ZDHHC18: variants seen among roughly 807,000 people sequenced by gnomAD.
The protein encoded by ZDHHC18 is palmitoyltransferase ZDHHC18.
In ZDHHC18, 23 loss-of-function variants were observed where a neutral mutation model predicts 37.5. That is an observed-to-expected ratio of 0.61 (90% CI 0.44 to 0.87). ZDHHC18 has a LOEUF of 0.87. Ranked by LOEUF, ZDHHC18 falls within the 40% of genes least tolerant of loss-of-function variation. The pLI, the probability that ZDHHC18 is intolerant of heterozygous loss-of-function variation, is 0.00. For synonymous variants in ZDHHC18, 185 were observed against 218.7 expected (o/e 0.85, Z 1.36); for missense variants, 406 against 525.6 (o/e 0.77, Z 2.22).
intron 1 of ZDHHC18, among the ~76,000 whole-genome samples, chr1:26,827,848 C>T (rs1400655850): frequency 6.6e-6 from 1 of 152,138 alleles, no homozygotes; most frequent in Non-Finnish European, 1.5e-5. Flanking sequence ...TCCTGTCCTT[C>T]CCTCAGATCC....
intron 1 of ZDHHC18, among the ~76,000 whole-genome samples, chr1:26,831,332 C>T (rs562654910): frequency 5.3e-4 from 80 of 152,206 alleles, no homozygotes; most frequent in South Asian, 1.0e-3. Flanking sequence ...AGGAGCAAGA[C>T]GAGAGTTTTG....
At position 26,854,936 on chromosome 1, in the gene ZDHHC18, G is replaced by A. The variant is rs760093; in HGVS notation, c.*1093G>A. 27,372 of 152,300 alleles carry A rather than the reference G, an allele frequency of 0.18. 3,090 individuals are homozygous for A. Among genetic ancestry groups the A allele is most frequent in the Middle Eastern group, 0.29 (84 of 294 alleles). The allele number at this position is 152,300 out of a possible 1,614,324, so 9.4% of individuals were successfully genotyped here. A position where few individuals can be genotyped will look rare whatever the true frequency, so the allele number is the denominator to read the frequency against. ...GCCCCCTGCCCCATCCCCTTTGAGT[G>A]TCAGAAGCACTCTGAGCCAAGGGGA... On this transcript the variant is annotated 3_prime_UTR_variant, in exon 8 of 8. Coordinates refer to ENST00000374142, the MANE Select transcript of ZDHHC18 (RefSeq NM_032283.3). The surrounding 1 kb of genome is among the most constrained non-coding windows in gnomAD (Gnocchi z 4.6).
chr1:26,830,755 GT>G (rs1322008491), intron 1 of ZDHHC18, among the ~76,000 whole-genome samples: 1 of 118,792 alleles, frequency 8.4e-6, no homozygotes, highest in Non-Finnish European at 1.9e-5. Context: ...AGGAGCTTAT[GT>G]TTTTTTATGT....
chr1:26,832,533 A>C lies in ZDHHC18; in HGVS notation c.422A>C (p.Gln141Pro). Residue 141 changes from glutamine (Q) to proline (P), a missense_variant, in exon 2 of 8, where the codon CAG (glutamine) becomes CCG (proline). Coordinates refer to ENST00000374142, the MANE Select transcript of ZDHHC18 (RefSeq NM_032283.3). ...LFFFVMSCLL[Q>P]TSFTDPGILP... Reference sequence around the variant, plus strand: ...TTCTTCGTCATGAGCTGCCTGCTGCAGACAAGCTTCACCGACCCTGGGATC... The same window carrying C: ...TTCTTCGTCATGAGCTGCCTGCTGCCGACAAGCTTCACCGACCCTGGGATC... The C allele has an allele frequency of 6.2e-7, 1 of 1,614,168 alleles. No individual in the cohort carries two copies. The highest frequency in any genetic ancestry group is 8.5e-7 in the Non-Finnish European group (1 of 1,180,024).
rs116907842 is a variant in ZDHHC18, at chr1:26,831,998, G to A, written c.336-449G>A. On this transcript the variant is annotated intron_variant, in intron 1 of 7. Transcript: ENST00000374142. Reference sequence around the variant, plus strand: ...AGGGGGAGGGACTCTTGTCTTATCCGTCGTCATTATTCCTGCTGCTTATTG... The same window carrying A: ...AGGGGGAGGGACTCTTGTCTTATCCATCGTCATTATTCCTGCTGCTTATTG... The A allele has an allele frequency of 5.2e-4, 81 of 155,250 alleles. 2 individuals carry two copies. The East Asian group carries it at 0.013, about 24-fold the overall frequency. The allele number at this position is 155,250 out of a possible 1,614,324, so 9.6% of individuals were successfully genotyped here. A position where few individuals can be genotyped will look rare whatever the true frequency, so the allele number is the denominator to read the frequency against.
At chr1:26,844,092 T>G (rs71636785) in intron 2 of ZDHHC18, among the ~76,000 whole-genome samples, 17 of 152,020 alleles carry the variant, frequency 1.1e-4, no homozygotes, top group Non-Finnish European at 1.6e-4. Context: ...CAGACTGGAG[T>G]GCAATGGCGT....
chr1:26,846,188 A>G (rs1364000138), intron 2 of ZDHHC18, among the ~76,000 whole-genome samples: 4 of 128,666 alleles, frequency 3.1e-5, no homozygotes, highest in East Asian at 2.1e-4. Flanking sequence ...ACATATATCT[A>G]TATACATACA....
chr1:26,842,216 A>G (rs548237525), intron 2 of ZDHHC18, among the ~76,000 whole-genome samples: 3 of 152,038 alleles, frequency 2.0e-5, no homozygotes, highest in South Asian at 2.1e-4. Flanking sequence ...GCTTCAAGCA[A>G]TCTTCCTGCC....
At position 26,857,446 on chromosome 1, in the gene ZDHHC18, C is replaced by A. The variant is rs929994404; in HGVS notation, c.*3603C>A. ...TCCTTTGCTCTAGGCACTGAGGGAC[C>A]AAGCTAGCCGTGCACAGCCCCATAC... On this transcript the variant is annotated 3_prime_UTR_variant, in exon 8 of 8. Coordinates refer to ENST00000374142, the MANE Select transcript of ZDHHC18 (RefSeq NM_032283.3). 1 of 152,210 alleles carries A rather than the reference C, an allele frequency of 6.6e-6. No homozygotes were observed. The highest frequency in any genetic ancestry group is 2.4e-5 in the African/African-American group (1 of 41,428). 9.4% of individuals were successfully genotyped at this position (152,210 alleles called of 1,614,324 possible). A position where few individuals can be genotyped will look rare whatever the true frequency, so the allele number is the denominator to read the frequency against.
At position 26,840,416 on chromosome 1, in the gene ZDHHC18, C is replaced by G. The variant is rs552517615; in HGVS notation, c.496+7809C>G. 9.2e-5 allele frequency among the ~76,000 whole-genome samples: 14 copies of G among 152,294 alleles called. No homozygotes were observed. In the East Asian group the frequency reaches 2.7e-3, roughly 29 times the overall value. ...ATTCTCACCTAATCCTTCCAGCAGC[C>G]CCCTGAGATGGACTCAATGATGTTC... On this transcript the variant is annotated intron_variant, in intron 2 of 7. Transcript: ENST00000374142.
intron 1 of ZDHHC18, among the ~76,000 whole-genome samples, chr1:26,828,702 CT>C (rs913858762): frequency 6.6e-6 from 1 of 151,418 alleles, no homozygotes; most frequent in Non-Finnish European, 1.5e-5. Context: ...ACACTCTGCC[CT>C]TTTTTTTGAG....
chr1:26,856,313 C>A lies in ZDHHC18; in HGVS notation c.*2470C>A. 1 of 415,294 alleles carries A rather than the reference C, an allele frequency of 2.4e-6. No homozygotes were observed. Among genetic ancestry groups the A allele is most frequent in the Middle Eastern group, 3.7e-4 (1 of 2,684 alleles). 25.7% of individuals were successfully genotyped at this position (415,294 alleles called of 1,614,324 possible). On this transcript the variant is annotated 3_prime_UTR_variant, in exon 8 of 8. Transcript: ENST00000374142. This position sits in a 1 kb window ranked among gnomAD's most constrained non-coding sequence, Gnocchi z 5.2. Reference sequence around the variant, plus strand: ...CAGCACTGCCCGCTCCCCTCACACACCATCTCATCCTCATCGCATGCCTCG... The same window carrying A: ...CAGCACTGCCCGCTCCCCTCACACAACATCTCATCCTCATCGCATGCCTCG...
At position 26,828,752 on chromosome 1, in the gene ZDHHC18, A is replaced by AAGCTCTGGGGGGCCCAGAGCTC. The variant is rs531388541; in HGVS notation, c.335+1623_335+1644dup. Among the ~76,000 whole-genome samples the AAGCTCTGGGGGGCCCAGAGCTC allele has an allele frequency of 4.6e-3, 704 of 151,814 alleles. 9 individuals carry two copies. Among genetic ancestry groups the AAGCTCTGGGGGGCCCAGAGCTC allele is most frequent in the Non-Finnish European group, 4.3e-3 (291 of 67,920 alleles). On this transcript the variant is annotated intron_variant, in intron 1 of 7. Coordinates refer to ENST00000374142, the MANE Select transcript of ZDHHC18 (RefSeq NM_032283.3). ...AAGTTCAGGGATGATTTACAAGCAGAAGCTCTGGGGGGCCCAGAGCTCAGC... is the reference window on the plus strand; with the variant it reads ...AAGTTCAGGGATGATTTACAAGCAGAAGCTCTGGGGGGCCCAGAGCTCAGCTCTGGGGGGCCCAGAGCTCAGC...
intron 2 of ZDHHC18, among the ~76,000 whole-genome samples, chr1:26,837,142 A>G (rs982164487): frequency 2.7e-5 from 4 of 147,562 alleles, no homozygotes; most frequent in Non-Finnish European, 6.0e-5. Context: ...AGTCCCAGCT[A>G]CTCGGGAGGC....
chr1:26,842,899 A>G (rs1466048265), intron 2 of ZDHHC18, among the ~76,000 whole-genome samples: 1 of 152,220 alleles, frequency 6.6e-6, no homozygotes, highest in Non-Finnish European at 1.5e-5. Flanking sequence ...AAACAATGCA[A>G]TGGAAGCAAT....
chr1:26,848,760 G>A lies in ZDHHC18; in HGVS notation c.646+3G>A. Reference sequence around the variant, plus strand: ...CAGTGTCTGCGACAACTGTGTGGGTGAGTAGGAGGCAGCAGGGAGGGATGC... The same window carrying A: ...CAGTGTCTGCGACAACTGTGTGGGTAAGTAGGAGGCAGCAGGGAGGGATGC... On this transcript the variant is annotated splice_donor_region_variant and intron_variant, in intron 3 of 7. Transcript: ENST00000374142. 1.2e-6 allele frequency: 2 copies of A among 1,607,296 alleles called. No homozygotes were observed. The highest frequency in any genetic ancestry group is 1.1e-5 in the South Asian group (1 of 90,998).
chr1:26,851,374 T>G, intron 6 of ZDHHC18, 143 bp downstream of exon 6: 2 of 743,198 alleles, frequency 2.7e-6, no homozygotes, highest in Non-Finnish European at 2.3e-6. Flanking sequence ...TGCCTCCCAG[T>G]CATCTCAGCT....
intron 2 of ZDHHC18, among the ~76,000 whole-genome samples, chr1:26,846,783 T>A (rs890869618): frequency 6.6e-6 from 1 of 152,226 alleles, no homozygotes; most frequent in African/African-American, 2.4e-5. Context: ...TAGTAAATTA[T>A]AGACATCATA....
rs1333048960 is a variant in ZDHHC18 at position 26,826,902 on chromosome 1, C to T, written c.98C>T (p.Pro33Leu). 3.0e-6 allele frequency: 3 copies of T among 984,592 alleles called. No individual in the cohort carries two copies. Among genetic ancestry groups the T allele is most frequent in the Admixed American group, 6.3e-5 (1 of 15,842 alleles). 61.0% of individuals were successfully genotyped at this position (984,592 alleles called of 1,614,324 possible). ...RRPGPAASPT[P>L]GPGPAPPAAP... ...CCCGGCCCCGCCGCGTCCCCGACTC[C>T]GGGCCCCGGGCCCGCGCCGCCCGCC... is the stretch of plus-strand genomic sequence containing the variant. Residue 33 changes from proline to leucine, a missense_variant, in exon 1 of 8, where the codon CCG (proline) becomes CTG (leucine). Physicochemically the swap from Pro to Leu is moderately conservative, Grantham distance 98. Coordinates refer to ENST00000374142, the MANE Select transcript of ZDHHC18 (RefSeq NM_032283.3). The surrounding 1 kb of genome is among the most constrained non-coding windows in gnomAD (Gnocchi z 5.2).
Sources: gnomAD v4.1 joint callset for allele counts (sites outside exome capture counted in the v4.1 genomes callset) on GRCh38, gnomAD v4.1.1 for gene constraint, Gnocchi (gnomAD v3.1) non-coding constraint, MANE v1.5 for transcripts, NCBI Gene and HGNC (gene_info 2026-07-23, HGNC 2026-07-21) for gene names.